SLX4IP: variants seen among roughly 807,000 people sequenced by gnomAD.
The protein encoded by SLX4IP is SLX4 interacting protein, also known as protein SLX4IP.
A neutral mutation model predicts 32.9 loss-of-function variants in SLX4IP; 34 were observed. The ratio of observed to expected loss-of-function variants is 1.03; its 90% CI spans 0.79 to 1.38. SLX4IP has a LOEUF of 1.38. Ranked by LOEUF, SLX4IP falls within the 40% of genes most tolerant of loss-of-function variation. The pLI is 0.00. For synonymous variants in SLX4IP, 172 were observed against 171.7 expected, an observed-to-expected ratio of 1.00 and a Z score of -0.01; for missense variants, 444 against 479.0, an observed-to-expected ratio of 0.93 and a Z score of 0.68.
intron 6 of SLX4IP, among the ~76,000 whole-genome samples, chr20:10,608,153 CGTG>C (rs2066925637): frequency 6.6e-6 from 1 of 152,080 alleles, no homozygotes. Flanking sequence ...TTAGGAAAAA[CGTG>C]GTGGGGAATA....
At chr20:10,521,785 C>A (rs981528131) in intron 2 of SLX4IP, among the ~76,000 whole-genome samples, 23 of 152,162 alleles carry the variant, frequency 1.5e-4, no homozygotes, top group Admixed American at 7.2e-4. Flanking sequence ...CTTTTACATA[C>A]AATTCTAAAG....
intron 2 of SLX4IP, among the ~76,000 whole-genome samples, chr20:10,504,877 G>A (rs1042458685): frequency 6.6e-6 from 1 of 151,990 alleles, no homozygotes; most frequent in Admixed American, 6.6e-5. Context: ...CGTTCTCATA[G>A]CAACAGGAAA....
chr20:10,520,212 G>A (rs1316061407), intron 2 of SLX4IP, among the ~76,000 whole-genome samples: 11 of 151,872 alleles, frequency 7.2e-5, no homozygotes. Flanking sequence ...CACCATGCCC[G>A]GCTAATTTTT....
intron 2 of SLX4IP, 58 bp downstream of exon 2, chr20:10,458,289 G>C: frequency 6.9e-7 from 1 of 1,449,460 alleles, no homozygotes; most frequent in Non-Finnish European, 9.3e-7. Flanking sequence ...ATATAACTGA[G>C]CTCTGTGTTA....
chr20:10,436,418 G>A (rs563549029), intron 1 of SLX4IP, among the ~76,000 whole-genome samples: 16 of 151,834 alleles, frequency 1.1e-4, no homozygotes, highest in Middle Eastern at 3.4e-3. Flanking sequence ...GTGCAGTGGC[G>A]CGATCTTGGC....
At chr20:10,449,013 T>C (rs1334381711) in intron 1 of SLX4IP, among the ~76,000 whole-genome samples, 1 of 152,242 alleles carries the variant, frequency 6.6e-6, no homozygotes, top group Non-Finnish European at 1.5e-5. Context: ...GAGTGTGTAC[T>C]CCTTCCACCA....
At chr20:10,468,876 C>G (rs1004025781) in intron 2 of SLX4IP, among the ~76,000 whole-genome samples, 1 of 152,076 alleles carries the variant, frequency 6.6e-6, no homozygotes, top group Non-Finnish European at 1.5e-5. Context: ...GCCACATTCC[C>G]TGGGAAGAAG....
chr20:10,522,004 T>C (rs181912161), intron 2 of SLX4IP, among the ~76,000 whole-genome samples: 1 of 152,122 alleles, frequency 6.6e-6, no homozygotes, highest in Admixed American at 6.5e-5. Context: ...CAGAAGGCCC[T>C]ACATTAGTCA....
intron 4 of SLX4IP, among the ~76,000 whole-genome samples, chr20:10,596,709 A>G (rs763315860): frequency 6.6e-6 from 1 of 152,160 alleles, no homozygotes; most frequent in Non-Finnish European, 1.5e-5. Context: ...CTTGAAAAAT[A>G]CTTTTAAATT....
chr20:10,437,083 T>C (rs899318986), intron 1 of SLX4IP, among the ~76,000 whole-genome samples: 3 of 152,152 alleles, frequency 2.0e-5, no homozygotes, highest in Non-Finnish European at 4.4e-5. Flanking sequence ...CAAAGCTTTT[T>C]GTGGCACCTT....
At chr20:10,538,548 CAG>C (rs2066070296) in intron 2 of SLX4IP, among the ~76,000 whole-genome samples, 1 of 148,846 alleles carries the variant, frequency 6.7e-6, no homozygotes, top group Admixed American at 6.7e-5. Context: ...TTTTTTGAGA[CAG>C]AGTCTCACTC....
chr20:10,581,926 C>T (rs372387580), intron 4 of SLX4IP, among the ~76,000 whole-genome samples: 6 of 151,996 alleles, frequency 3.9e-5, no homozygotes, highest in Non-Finnish European at 5.9e-5. Flanking sequence ...CATCTTCACC[C>T]GAAGTGGGAT....
chr20:10,548,989 T>C (rs1232080309), intron 2 of SLX4IP, among the ~76,000 whole-genome samples: 2 of 152,238 alleles, frequency 1.3e-5, no homozygotes, highest in Admixed American at 1.3e-4. Flanking sequence ...CCAAAAGGTA[T>C]GCTGGTTCCC....
rs199775044 is a variant in SLX4IP at position 10,471,725 on chromosome 20, A to G, written c.27+13494A>G. Among the ~76,000 whole-genome samples, 8 of 152,282 alleles carry G rather than the reference A, an allele frequency of 5.3e-5. No individual in the cohort carries two copies. In the East Asian group the frequency reaches 7.7e-4, roughly 15 times the overall value. ...TTCTCATATTTCAATGGGTCAGAAA[A>G]TCCAGCTGGGCAGTTTTTCTGCTTT... On this transcript the variant is annotated intron_variant, in intron 2 of 7. Coordinates refer to ENST00000334534, the MANE Select transcript of SLX4IP (RefSeq NM_001009608.3).
intron 6 of SLX4IP, among the ~76,000 whole-genome samples, chr20:10,605,465 A>G (rs1322528070): frequency 6.6e-6 from 1 of 152,038 alleles, no homozygotes; most frequent in African/African-American, 2.4e-5. Context: ...TTTCCTAAAT[A>G]TTTTTCCACT....
chr20:10,452,664 CA>C (rs71332999), intron 1 of SLX4IP, among the ~76,000 whole-genome samples: 1,879 of 117,878 alleles, frequency 0.016, 53 homozygotes, highest in African/African-American at 0.047. Context: ...GAAACTGTCT[CA>C]AAAAAAAAAA....
chr20:10,474,186 G>A lies in SLX4IP; in HGVS notation c.27+15955G>A, dbSNP rs1434743856. On this transcript the variant is annotated intron_variant, in intron 2 of 7. Transcript: ENST00000334534. ...CCTCCTTGGCCTCCCAAAGTGCTGG[G>A]TTTACAGGCATGAGCCACCATTCCT... 5.3e-5 allele frequency among the ~76,000 whole-genome samples: 8 copies of A among 152,268 alleles called. No individual in the cohort carries two copies. The East Asian group carries it at 1.5e-3, about 29-fold the overall frequency.
intron 4 of SLX4IP, among the ~76,000 whole-genome samples, chr20:10,586,364 T>C (rs2066645367): frequency 6.6e-6 from 1 of 152,218 alleles, no homozygotes; most frequent in Non-Finnish European, 1.5e-5. Flanking sequence ...AATTACTTGA[T>C]TGGTTATAGC....
rs114152745 is a variant in SLX4IP, at chr20:10,565,744, G to A, written c.238+4924G>A. On this transcript the variant is annotated intron_variant, in intron 4 of 7. Coordinates refer to ENST00000334534, the MANE Select transcript of SLX4IP (RefSeq NM_001009608.3). ...TCCTCTTGGCTTCCTTCTTCCATGAGCTTCTAATCAGTAACAACAAGCTAT... is the reference window on the plus strand; with the variant it reads ...TCCTCTTGGCTTCCTTCTTCCATGAACTTCTAATCAGTAACAACAAGCTAT... 5.8e-3 allele frequency among the ~76,000 whole-genome samples: 880 copies of A among 152,266 alleles called. 7 individuals are homozygous for A. The highest frequency in any genetic ancestry group is 0.02 in the African/African-American group (834 of 41,542).
Sources: allele counts gnomAD v4.1 joint callset (sites outside exome capture counted in the v4.1 genomes callset), GRCh38; gene constraint gnomAD v4.1.1; transcripts MANE v1.5; gene names NCBI Gene and HGNC (gene_info 2026-07-23, HGNC 2026-07-21).